The following SNTG1 variants were observed in gnomAD, a reference collection of about 807,000 sequenced individuals.
SNTG1 encodes the protein gamma-1-syntrophin.
A neutral mutation model predicts 74.7 loss-of-function variants in SNTG1; 39 were observed. The ratio of observed to expected loss-of-function variants is 0.52; its 90% CI spans 0.40 to 0.68. SNTG1 has a LOEUF of 0.68. Among genes scored for constraint, SNTG1 ranks in the 30% least tolerant of loss-of-function variants. The pLI, the probability that SNTG1 is intolerant of heterozygous loss-of-function variation, is 0.00. For synonymous variants in SNTG1, 254 were observed against 217.1 expected (o/e 1.17, Z -1.49); for missense variants, 685 against 609.5 (o/e 1.12, Z -1.30).
chr8:49,924,858 T>C (rs771380600), intron 1 of SNTG1, among the ~76,000 whole-genome samples: 1 of 151,956 alleles, frequency 6.6e-6, no homozygotes, highest in Non-Finnish European at 1.5e-5. Context: ...CCTTCGTAGA[T>C]GCAGCTATTG....
intron 17 of SNTG1, among the ~76,000 whole-genome samples, chr8:50,746,054 A>G (rs1238249162): frequency 6.6e-6 from 1 of 152,012 alleles, no homozygotes; most frequent in Non-Finnish European, 1.5e-5. Flanking sequence ...ACCACACCAA[A>G]AGAAAATGTG....
At chr8:50,527,568 G>A (rs962451910) in intron 9 of SNTG1, among the ~76,000 whole-genome samples, 7 of 151,724 alleles carry the variant, frequency 4.6e-5, no homozygotes, top group African/African-American at 1.7e-4. Flanking sequence ...GATTTATTTT[G>A]AGATACTTTG....
intron 2 of SNTG1, among the ~76,000 whole-genome samples, chr8:50,309,883 G>T (rs1426128131): frequency 6.6e-6 from 1 of 152,128 alleles, no homozygotes; most frequent in Non-Finnish European, 1.5e-5. Context: ...AACTCCATTG[G>T]TCAGTGTCCA....
chr8:50,344,009 G>A (rs2091397900), intron 2 of SNTG1, among the ~76,000 whole-genome samples: 3 of 152,088 alleles, frequency 2.0e-5, no homozygotes, highest in Admixed American at 6.5e-5. Flanking sequence ...TCTCTTTACT[G>A]ACAGACTGTC....
At chr8:49,983,581 C>T (rs1246142515) in intron 1 of SNTG1, among the ~76,000 whole-genome samples, 1 of 152,130 alleles carries the variant, frequency 6.6e-6, no homozygotes, top group African/African-American at 2.4e-5. Flanking sequence ...TATAAGAGCA[C>T]TGAGTGTGGT....
chr8:50,669,513 G>A (rs2095268076), intron 15 of SNTG1, among the ~76,000 whole-genome samples: 3 of 152,138 alleles, frequency 2.0e-5, no homozygotes, highest in Admixed American at 2.0e-4. Context: ...TCTCTGAATA[G>A]ACCAATAACA....
chr8:50,063,828 C>A (rs1225687106), intron 1 of SNTG1, among the ~76,000 whole-genome samples: 1 of 152,040 alleles, frequency 6.6e-6, no homozygotes, highest in East Asian at 1.9e-4. Context: ...ACTGTAGATT[C>A]AAAATGCTGA....
At chr8:50,325,947 T>C (rs1490759407) in intron 2 of SNTG1, among the ~76,000 whole-genome samples, 1 of 151,268 alleles carries the variant, frequency 6.6e-6, no homozygotes, top group African/African-American at 2.4e-5. Flanking sequence ...GAACAGATGT[T>C]AAATTTTATC....
At chr8:50,489,901 A>T in intron 8 of SNTG1, among the ~76,000 whole-genome samples, 1 of 152,162 alleles carries the variant, frequency 6.6e-6, no homozygotes, top group East Asian at 1.9e-4. Flanking sequence ...TCATGGTTTT[A>T]GGTCTTATGT....
intron 8 of SNTG1, 95 bp from the exon 9 acceptor site, chr8:50,502,683 G>T (rs1218672605): frequency 2.1e-6 from 2 of 965,074 alleles, no homozygotes; most frequent in African/African-American, 1.7e-5. Flanking sequence ...GGGAAAAATG[G>T]AAGGTGGAAG....
At chr8:49,915,023 G>A (rs981003188) in intron 1 of SNTG1, 6 of 152,176 alleles carry the variant, frequency 3.9e-5, no homozygotes, top group Admixed American at 2.6e-4. Flanking sequence ...ACATCCTGTG[G>A]TAAGAAACAT....
chr8:50,238,871 G>A (rs1006581651), intron 2 of SNTG1, among the ~76,000 whole-genome samples: 3 of 151,948 alleles, frequency 2.0e-5, no homozygotes, highest in Non-Finnish European at 2.9e-5. Context: ...AAATACACAT[G>A]AACAACAAGC....
intron 2 of SNTG1, among the ~76,000 whole-genome samples, chr8:50,262,022 A>T (rs909059571): frequency 2.6e-5 from 4 of 152,194 alleles, no homozygotes; most frequent in African/African-American, 9.7e-5. Context: ...CTCAGATCAC[A>T]GTAAAATTAA....
chr8:50,478,769 T>C (rs1054592108), intron 8 of SNTG1, among the ~76,000 whole-genome samples: 13 of 152,130 alleles, frequency 8.5e-5, no homozygotes, highest in African/African-American at 3.1e-4. Flanking sequence ...AGAAAGCAAA[T>C]GGGTACATAT....
intron 8 of SNTG1, among the ~76,000 whole-genome samples, chr8:50,497,880 T>A (rs1585468210): frequency 6.6e-6 from 1 of 152,180 alleles, no homozygotes; most frequent in Non-Finnish European, 1.5e-5. Context: ...GTTTTCTGGC[T>A]TCTTTCACTA....
intron 14 of SNTG1, among the ~76,000 whole-genome samples, chr8:50,657,280 G>A (rs1342803753): frequency 2.6e-5 from 4 of 151,970 alleles, no homozygotes; most frequent in Admixed American, 6.6e-5. Context: ...AAATTATAAT[G>A]CCATTACAAA....
At chr8:50,058,236 T>C (rs1351932228) in intron 1 of SNTG1, among the ~76,000 whole-genome samples, 1 of 152,138 alleles carries the variant, frequency 6.6e-6, no homozygotes, top group East Asian at 1.9e-4. Context: ...AGATAAATAA[T>C]ATTTTCAAAA....
intron 1 of SNTG1, among the ~76,000 whole-genome samples, chr8:49,931,820 G>A (rs903841361): frequency 2.6e-5 from 4 of 152,114 alleles, no homozygotes; most frequent in Non-Finnish European, 5.9e-5. Flanking sequence ...CCATTCAAAT[G>A]AAGTTTCAAA....
chr8:50,153,375 T>C (rs1013741910), intron 1 of SNTG1, among the ~76,000 whole-genome samples: 1 of 152,172 alleles, frequency 6.6e-6, no homozygotes, highest in Admixed American at 6.5e-5. Context: ...TCAGAGAAGT[T>C]TGATTGTCTG....
Sources: allele counts gnomAD v4.1 joint callset (sites outside exome capture counted in the v4.1 genomes callset), GRCh38; gene constraint gnomAD v4.1.1; transcripts MANE v1.5; gene names NCBI Gene and HGNC (gene_info 2026-07-23, HGNC 2026-07-21).